The following PRKCE variants were observed in gnomAD, a reference collection of about 807,000 sequenced individuals.
The protein encoded by PRKCE is protein kinase C epsilon.
Under a neutral mutation model 85.4 loss-of-function variants are expected in PRKCE, and 16 were observed. The observed-to-expected ratio is 0.19, with a 90% confidence interval of 0.13 to 0.28. The LOEUF (loss-of-function observed/expected upper bound fraction) is 0.28. Among genes scored for constraint, PRKCE ranks in the 10% least tolerant of loss-of-function variants. The pLI, the probability that PRKCE is intolerant of heterozygous loss-of-function variation, is 1.00. For missense variants in PRKCE, 573 were observed against 975.2 expected, an observed-to-expected ratio of 0.59 and a Z score of 5.49; for synonymous variants, 388 against 371.5, an observed-to-expected ratio of 1.04 and a Z score of -0.51.
rs150894098 is a variant in PRKCE at position 45,900,246 on chromosome 2, C to T, written c.412+57183C>T. Among the ~76,000 whole-genome samples the T allele has an allele frequency of 5.3e-5, 8 of 152,306 alleles. No homozygotes were observed. The East Asian group carries it at 1.5e-3, about 29-fold the overall frequency. The stretch of plus-strand genomic sequence containing the variant: ...AAAATTGAATTACCATATGATCCAG[C>T]AATTCCAACACTAGGTATACATCCC... On this transcript the variant is annotated intron_variant, in intron 2 of 14. Coordinates refer to ENST00000306156, the MANE Select transcript of PRKCE (RefSeq NM_005400.3).
At chr2:46,023,516 A>G (rs188985182) in intron 10 of PRKCE, among the ~76,000 whole-genome samples, 9 of 152,324 alleles carry the variant, frequency 5.9e-5, no homozygotes, top group Admixed American at 5.2e-4. Flanking sequence ...CTTTAGAACT[A>G]CAGCTGGTTA....
At chr2:45,859,664 C>T (rs1692984355) in intron 2 of PRKCE, among the ~76,000 whole-genome samples, 1 of 152,108 alleles carries the variant, frequency 6.6e-6, no homozygotes, top group Admixed American at 6.6e-5. Context: ...TTTCTTAGTG[C>T]TTCAGAGGCA....
chr2:45,987,296 C>A (rs1049803311), intron 6 of PRKCE, among the ~76,000 whole-genome samples: 2 of 151,996 alleles, frequency 1.3e-5, no homozygotes, highest in African/African-American at 4.8e-5. Context: ...TCCATGGGAG[C>A]CCAGGAACCC....
chr2:45,838,150 T>C (rs946742656), intron 1 of PRKCE, among the ~76,000 whole-genome samples: 1 of 152,176 alleles, frequency 6.6e-6, no homozygotes, highest in Non-Finnish European at 1.5e-5. Context: ...TTGCTGTGCC[T>C]TCCAGGTCTG....
At chr2:45,902,517 C>T (rs1696654741) in intron 2 of PRKCE, among the ~76,000 whole-genome samples, 1 of 152,156 alleles carries the variant, frequency 6.6e-6, no homozygotes, top group African/African-American at 2.4e-5. Flanking sequence ...TTTGGATTAA[C>T]ATCCTGAGGA....
chr2:45,942,610 G>A (rs531659081), intron 2 of PRKCE, among the ~76,000 whole-genome samples: 5 of 152,274 alleles, frequency 3.3e-5, no homozygotes, highest in South Asian at 2.1e-4. Flanking sequence ...GTCTAATGAC[G>A]AGGTCCCCGC....
At chr2:45,961,214 T>C (rs1303600044) in intron 2 of PRKCE, among the ~76,000 whole-genome samples, 4 of 152,074 alleles carry the variant, frequency 2.6e-5, no homozygotes, top group African/African-American at 9.7e-5. Flanking sequence ...CCAAGTACAG[T>C]AGTCACAATA....
At position 46,186,429 on chromosome 2, in the gene PRKCE, A is replaced by G. The variant is rs1680453658; in HGVS notation, c.*1548A>G. On this transcript the variant is annotated 3_prime_UTR_variant, in exon 15 of 15. Transcript: ENST00000306156. ...AAGGCCTGTGGAATTAATTCGTTGC[A>G]TATAGAGGTATCAACTGCTGCATGT... 1 of 152,602 alleles carries G rather than the reference A, an allele frequency of 6.6e-6. No individual in the cohort carries two copies. Among genetic ancestry groups the G allele is most frequent in the East Asian group, 1.9e-4 (1 of 5,202 alleles). 9.5% of individuals were successfully genotyped at this position (152,602 alleles called of 1,614,324 possible). A position where few individuals can be genotyped will look rare whatever the true frequency, so the allele number is the denominator to read the frequency against.
intron 11 of PRKCE, among the ~76,000 whole-genome samples, chr2:46,142,382 T>C (rs964962416): frequency 6.6e-6 from 1 of 152,328 alleles, no homozygotes; most frequent in Non-Finnish European, 1.5e-5. Flanking sequence ...CGGAAGTCTT[T>C]GGACCCACTC....
At chr2:45,704,095 C>A (rs1439867822) in intron 1 of PRKCE, among the ~76,000 whole-genome samples, 1 of 152,176 alleles carries the variant, frequency 6.6e-6, no homozygotes, top group Non-Finnish European at 1.5e-5. Flanking sequence ...CGATGCATAG[C>A]TGAATAGAAA....
intron 10 of PRKCE, among the ~76,000 whole-genome samples, chr2:46,083,176 C>T (rs540518788): frequency 6.6e-6 from 1 of 152,322 alleles, no homozygotes; most frequent in African/African-American, 2.4e-5. Context: ...ATCTCGATCT[C>T]CTGGCCTCAA....
chr2:45,757,714 A>G (rs187962060), intron 1 of PRKCE, among the ~76,000 whole-genome samples: 5 of 152,236 alleles, frequency 3.3e-5, no homozygotes, highest in African/African-American at 1.2e-4. Flanking sequence ...TAGAGATTCA[A>G]TGCAAGTCAG....
intron 2 of PRKCE, among the ~76,000 whole-genome samples, chr2:45,888,187 G>A (rs144578402): frequency 2.0e-5 from 3 of 152,190 alleles, no homozygotes; most frequent in Non-Finnish European, 2.9e-5. Context: ...GGCAAAAGGC[G>A]CTGGGTTTGT....
chr2:45,656,782 T>G (rs1425517033), intron 1 of PRKCE, among the ~76,000 whole-genome samples: 2 of 152,230 alleles, frequency 1.3e-5, no homozygotes, highest in African/African-American at 2.4e-5. Context: ...AGGCTTGCTT[T>G]GAGAAACATT....
chr2:46,100,188 C>A (rs1671070794), intron 11 of PRKCE, among the ~76,000 whole-genome samples: 1 of 152,144 alleles, frequency 6.6e-6, no homozygotes, highest in South Asian at 2.1e-4. Context: ...CAGAAGGTAA[C>A]TGATCCCAAG....
intron 2 of PRKCE, among the ~76,000 whole-genome samples, chr2:45,860,163 A>C (rs1375010591): frequency 6.6e-6 from 1 of 152,214 alleles, no homozygotes; most frequent in East Asian, 1.9e-4. Context: ...TATCCCCAGC[A>C]AGCTGGAATA....
At chr2:45,897,222 T>C (rs1309859431) in intron 2 of PRKCE, among the ~76,000 whole-genome samples, 2 of 152,226 alleles carry the variant, frequency 1.3e-5, no homozygotes, top group African/African-American at 2.4e-5. Flanking sequence ...CATGAATATA[T>C]TTCATTCATC....
intron 2 of PRKCE, among the ~76,000 whole-genome samples, chr2:45,964,430 C>G (rs1196671621): frequency 6.6e-6 from 1 of 152,232 alleles, no homozygotes; most frequent in Non-Finnish European, 1.5e-5. Context: ...TGGTCCCACC[C>G]TTGGCTGGTG....
At chr2:46,073,294 C>T (rs1364301005) in intron 10 of PRKCE, 5 of 152,204 alleles carry the variant, frequency 3.3e-5, no homozygotes, top group Non-Finnish European at 7.4e-5. Flanking sequence ...ATCAAAGGAA[C>T]CTTGCTGTAA....
Sources: gnomAD v4.1 joint callset for allele counts (sites outside exome capture counted in the v4.1 genomes callset) on GRCh38, gnomAD v4.1.1 for gene constraint, MANE v1.5 for transcripts, NCBI Gene and HGNC (gene_info 2026-07-23, HGNC 2026-07-21) for gene names.